The following CMTM4 variants were observed in gnomAD, a reference collection of about 807,000 sequenced individuals.
CMTM4 encodes the protein CKLF-like MARVEL transmembrane domain-containing protein 4.
A neutral mutation model predicts 19.0 loss-of-function variants in CMTM4; 8 were observed. That is an observed-to-expected ratio of 0.42 (90% CI 0.25 to 0.76). The LOEUF (loss-of-function observed/expected upper bound fraction) is 0.76. Ranked by LOEUF, CMTM4 falls within the 30% of genes least tolerant of loss-of-function variation. The pLI is 0.27. For synonymous variants in CMTM4, 106 were observed against 121.1 expected, an observed-to-expected ratio of 0.88 and a Z score of 0.82; for missense variants, 228 against 290.2, an observed-to-expected ratio of 0.79 and a Z score of 1.56.
intron 1 of CMTM4, among the ~76,000 whole-genome samples, chr16:66,650,915 G>A (rs1032949046): frequency 2.6e-5 from 4 of 152,110 alleles, no homozygotes; most frequent in South Asian, 2.1e-4. Flanking sequence ...GACCACACGC[G>A]CACACACAGC....
rs1189511568 is a variant in CMTM4, at chr16:66,627,893, TTC to T, written c.364-4393_364-4392del. On this transcript the variant is annotated intron_variant, in intron 2 of 3. Coordinates refer to ENST00000394106, the MANE Select transcript of CMTM4 (RefSeq NM_181521.3). The stretch of plus-strand genomic sequence containing the variant: ...ACCTGCCCCGGCACCGGTCTCTGAG[TTC>T]TCTGTTTTTATTGATTATTATTTTC... Among the ~76,000 whole-genome samples the T allele has an allele frequency of 3.3e-5, 5 of 152,300 alleles. No homozygotes were observed. The South Asian group carries it at 6.2e-4, about 19-fold the overall frequency.
At chr16:66,689,762 G>A (rs1392317103) in intron 1 of CMTM4, among the ~76,000 whole-genome samples, 1 of 152,112 alleles carries the variant, frequency 6.6e-6, no homozygotes, top group Non-Finnish European at 1.5e-5. Flanking sequence ...TTCAAAAACT[G>A]CACCAACCTT....
chr16:66,680,169 G>C (rs1467740074), intron 1 of CMTM4, among the ~76,000 whole-genome samples: 1 of 152,144 alleles, frequency 6.6e-6, no homozygotes, highest in Non-Finnish European at 1.5e-5. Context: ...TAAACTAAAA[G>C]CAAGAAATAT....
At position 66,696,067 on chromosome 16, in the gene CMTM4, G is replaced by A. The variant is rs977683453; in HGVS notation, c.186+273C>T. 2.0e-5 allele frequency among the ~76,000 whole-genome samples: 3 copies of A among 152,196 alleles called. No individual in the cohort carries two copies. The highest frequency in any genetic ancestry group is 7.2e-5 in the African/African-American group (3 of 41,460). ...AGTAACGCCACAGACTCCCGGGAGCGAGGGCGGAGCGGACAGGTAGGCCCG... is the reference window on the plus strand; with the variant it reads ...AGTAACGCCACAGACTCCCGGGAGCAAGGGCGGAGCGGACAGGTAGGCCCG... On this transcript the variant is annotated intron_variant, in intron 1 of 3. Transcript: ENST00000394106. The surrounding 1 kb of genome is among the most constrained non-coding windows in gnomAD (Gnocchi z 4.3).
In CMTM4 at chr16:66,622,307, C is replaced by A; in HGVS notation, c.463-85G>T. On this transcript the variant is annotated intron_variant, in intron 3 of 3. Coordinates refer to ENST00000394106, the MANE Select transcript of CMTM4 (RefSeq NM_181521.3). The surrounding 1 kb of genome is among the most constrained non-coding windows in gnomAD (Gnocchi z 4.0). ...GTGGTGACCCAAGCCACATGCAGCC[C>A]CTTCCTGCTCTGCCAGCTGATCATT... is the stretch of plus-strand genomic sequence containing the variant. The A allele has an allele frequency of 6.9e-7, 1 of 1,443,396 alleles. No homozygotes were observed. Among genetic ancestry groups the A allele is most frequent in the East Asian group, 2.4e-5 (1 of 42,458 alleles). The allele number at this position is 1,443,396 out of a possible 1,614,324, so 89.4% of individuals were successfully genotyped here.
rs1326299428 is a variant in CMTM4 at position 66,618,255 on chromosome 16, T to C, written c.*3803A>G. 13 of 985,360 alleles carry C rather than the reference T, an allele frequency of 1.3e-5. No homozygotes were observed. Among genetic ancestry groups the C allele is most frequent in the Non-Finnish European group, 1.6e-5 (13 of 829,950 alleles). 61.0% of individuals were successfully genotyped at this position (985,360 alleles called of 1,614,324 possible). A position where few individuals can be genotyped will look rare whatever the true frequency, so the allele number is the denominator to read the frequency against. On this transcript the variant is annotated 3_prime_UTR_variant, in exon 4 of 4. Transcript: ENST00000394106. ...CTCTTGGCCTAGAAACTTTTTCCCC[T>C]TTCTGATACCTGTTTAACGTCATTA...
intron 1 of CMTM4, among the ~76,000 whole-genome samples, chr16:66,644,399 G>A (rs1361880278): frequency 2.0e-5 from 3 of 152,304 alleles, no homozygotes; most frequent in African/African-American, 4.8e-5. Context: ...CAGAATTACT[G>A]ATCATACTGA....
chr16:66,648,953 C>T (rs1291716318), intron 1 of CMTM4, among the ~76,000 whole-genome samples: 1 of 152,098 alleles, frequency 6.6e-6, no homozygotes, highest in Non-Finnish European at 1.5e-5. Flanking sequence ...GCCTGGCTGA[C>T]AGAGCGAGAC....
chr16:66,609,552 C>G, the CMTM4 span: 1 of 1,571,748 alleles, frequency 6.4e-7, no homozygotes, highest in Non-Finnish European at 8.7e-7. This position sits in a 1 kb window ranked among gnomAD's most constrained non-coding sequence, Gnocchi z 4.4. Flanking sequence ...CCCCACCCCT[C>G]TGGAAACTGC....
At chr16:66,678,456 G>A (rs543711929) in intron 1 of CMTM4, among the ~76,000 whole-genome samples, 16 of 152,246 alleles carry the variant, frequency 1.1e-4, no homozygotes, top group African/African-American at 3.4e-4. Context: ...AAAATACCAA[G>A]TATCTTTGAT....
intron 1 of CMTM4, among the ~76,000 whole-genome samples, chr16:66,690,957 TA>T (rs113936003): frequency 0.089 from 12,865 of 145,078 alleles, 681 homozygotes; most frequent in South Asian, 0.22. Context: ...TCTACAAAAA[TA>T]AAAAAAAAAA....
chr16:66,612,585 G>A (rs912051972), downstream of CMTM4: 32 of 1,613,538 alleles, frequency 2.0e-5, no homozygotes, highest in Non-Finnish European at 2.5e-5. The surrounding 1 kb of genome is among the most constrained non-coding windows in gnomAD (Gnocchi z 6.0). Context: ...CTCCTGCCAA[G>A]CATCCTCTCT....
At chr16:66,660,628 C>T (rs1665757344) in intron 1 of CMTM4, among the ~76,000 whole-genome samples, 1 of 152,160 alleles carries the variant, frequency 6.6e-6, no homozygotes. Context: ...GATACTAGGA[C>T]ATGTGTTTTT....
In CMTM4 at chr16:66,633,742, C is replaced by T. The variant is rs549049657; in HGVS notation, c.363+2663G>A. Among the ~76,000 whole-genome samples the T allele has an allele frequency of 4.6e-5, 7 of 151,194 alleles. No homozygotes were observed. The South Asian group carries it at 1.0e-3, about 23-fold the overall frequency. ...CTGAGACAGGAAAATCACTTGAACC[C>T]GGGAGGCAAAGGTTGCAGTGAGCCG... On this transcript the variant is annotated intron_variant, in intron 2 of 3. Transcript: ENST00000394106.
chr16:66,673,778 T>C (rs1012682200), intron 1 of CMTM4, among the ~76,000 whole-genome samples: 1 of 152,228 alleles, frequency 6.6e-6, no homozygotes, highest in Non-Finnish European at 1.5e-5. Flanking sequence ...AAACAGGGGA[T>C]TGACATTTTA....
At chr16:66,608,295 C>A in the CMTM4 span, 75 of 1,613,796 alleles carry the variant, frequency 4.6e-5, no homozygotes, top group Non-Finnish European at 5.9e-5. This position sits in a 1 kb window ranked among gnomAD's most constrained non-coding sequence, Gnocchi z 5.1. Flanking sequence ...TCACCTCAAA[C>A]TCCTTCCCCG....
chr16:66,667,514 G>A (rs1038440378), intron 1 of CMTM4, among the ~76,000 whole-genome samples: 5 of 151,998 alleles, frequency 3.3e-5, no homozygotes, highest in Non-Finnish European at 5.9e-5. Flanking sequence ...TACATAAGAT[G>A]CATTTACACA....
intron 1 of CMTM4, among the ~76,000 whole-genome samples, chr16:66,687,090 T>C (rs552756244): frequency 1.6e-4 from 24 of 152,196 alleles, no homozygotes; most frequent in Non-Finnish European, 7.4e-5. Flanking sequence ...GAAGAAGTTT[T>C]CCATTAGCAT....
intron 1 of CMTM4, among the ~76,000 whole-genome samples, chr16:66,694,637 C>T (rs1439893456): frequency 3.4e-5 from 5 of 145,448 alleles, no homozygotes; most frequent in South Asian, 2.2e-4. Flanking sequence ...CGCTTGAACC[C>T]GGGAGGCAGA....
Sources: allele counts gnomAD v4.1 joint callset (sites outside exome capture counted in the v4.1 genomes callset), GRCh38; gene constraint gnomAD v4.1.1; non-coding constraint Gnocchi (gnomAD v3.1); transcripts MANE v1.5; gene names NCBI Gene and HGNC (gene_info 2026-07-23, HGNC 2026-07-21).